The following RPS6KA5 variants were observed in gnomAD, a reference collection of about 807,000 sequenced individuals.
RPS6KA5 encodes the protein ribosomal protein S6 kinase alpha-5.
Under a neutral mutation model 85.5 loss-of-function variants are expected in RPS6KA5, and 27 were observed. The ratio of observed to expected loss-of-function variants is 0.32; its 90% CI spans 0.23 to 0.44. The LOEUF (loss-of-function observed/expected upper bound fraction) is 0.44. Ranked by LOEUF, RPS6KA5 falls within the 20% of genes least tolerant of loss-of-function variation. The pLI, the probability that RPS6KA5 is intolerant of heterozygous loss-of-function variation, is 1.00. For synonymous variants in RPS6KA5, 334 were observed against 348.2 expected (o/e 0.96, Z 0.46); for missense variants, 811 against 980.9 (o/e 0.83, Z 2.31).
At chr14:91,028,811 C>A (rs1250769411) in intron 1 of RPS6KA5, among the ~76,000 whole-genome samples, 1 of 152,210 alleles carries the variant, frequency 6.6e-6, no homozygotes, top group Non-Finnish European at 1.5e-5. Flanking sequence ...AGCCACTGCG[C>A]CCAGCCTATT....
chr14:90,885,614 C>T (rs1400061817), intron 14 of RPS6KA5, among the ~76,000 whole-genome samples: 2 of 124,416 alleles, frequency 1.6e-5, no homozygotes, highest in Admixed American at 8.7e-5. Context: ...AGGTGGCGGG[C>T]GCCTGTAGTC....
intron 3 of RPS6KA5, among the ~76,000 whole-genome samples, chr14:90,971,295 C>T (rs1352370531): frequency 6.6e-6 from 1 of 152,034 alleles, no homozygotes; most frequent in East Asian, 1.9e-4. Flanking sequence ...CCAGCCTAGG[C>T]GACAGTGAAC....
intron 5 of RPS6KA5, among the ~76,000 whole-genome samples, chr14:90,933,939 G>A (rs926136807): frequency 5.9e-5 from 9 of 152,046 alleles, no homozygotes; most frequent in Admixed American, 5.2e-4. Context: ...TATCTACATG[G>A]CTGACTCTCT....
At position 90,870,582 on chromosome 14, in the gene RPS6KA5, T is replaced by C. The variant is rs1349899484; in HGVS notation, c.*1492A>G. The C allele has an allele frequency of 6.6e-6, 1 of 152,096 alleles. No individual in the cohort carries two copies. The highest frequency in any genetic ancestry group is 2.4e-5 in the African/African-American group (1 of 41,440). The allele number at this position is 152,096 out of a possible 1,614,324, so 9.4% of individuals were successfully genotyped here. ...TTTTAGTATTCATAACTGGTTGAAA[T>C]TAATGCTGCTATAACCTCAAGAAAG... On this transcript the variant is annotated 3_prime_UTR_variant, in exon 17 of 17. Transcript: ENST00000614987.
chr14:90,880,849 T>G (rs1373370409), intron 14 of RPS6KA5, among the ~76,000 whole-genome samples: 1 of 151,092 alleles, frequency 6.6e-6, no homozygotes, highest in Non-Finnish European at 1.5e-5. Context: ...TTTTTTTTTT[T>G]GTGAGACAAG....
At position 90,889,294 on chromosome 14, in the gene RPS6KA5, CAAAA is replaced by C. The variant is rs11450327; in HGVS notation, c.1836+1189_1836+1192del. 1.2e-3 allele frequency among the ~76,000 whole-genome samples: 83 copies of C among 71,216 alleles called. 1 individual carries two copies. Among genetic ancestry groups the C allele is most frequent in the African/African-American group, 2.5e-3 (46 of 18,696 alleles). 46.7% of individuals were successfully genotyped at this position (71,216 alleles called of 152,430 possible). A position where few individuals can be genotyped will look rare whatever the true frequency, so the allele number is the denominator to read the frequency against. The stretch of plus-strand genomic sequence containing the variant: ...GGGAGACAGAGCAAGACTTTGTCTC[CAAAA>C]AAAAAAAAAAAAAAAAAAAGAGTAA... On this transcript the variant is annotated intron_variant, in intron 14 of 16. Coordinates refer to ENST00000614987, the MANE Select transcript of RPS6KA5 (RefSeq NM_004755.4).
intron 2 of RPS6KA5, among the ~76,000 whole-genome samples, chr14:90,990,199 C>T (rs2040243887): frequency 6.6e-6 from 1 of 152,048 alleles, no homozygotes; most frequent in East Asian, 1.9e-4. Context: ...CAAACGATCC[C>T]ATTAAAAAAT....
chr14:91,029,145 A>C (rs1272707175), intron 1 of RPS6KA5, among the ~76,000 whole-genome samples: 1 of 152,220 alleles, frequency 6.6e-6, no homozygotes, highest in Non-Finnish European at 1.5e-5. Flanking sequence ...ACCACAGAAA[A>C]TGACTTATTC....
At chr14:90,886,401 G>T in intron 14 of RPS6KA5, among the ~76,000 whole-genome samples, 1 of 152,146 alleles carries the variant, frequency 6.6e-6, no homozygotes, top group Non-Finnish European at 1.5e-5. Context: ...GAATGTTTGT[G>T]TTCTCCTTGC....
At chr14:90,898,841 C>T (rs1320310601) in intron 12 of RPS6KA5, among the ~76,000 whole-genome samples, 1 of 152,244 alleles carries the variant, frequency 6.6e-6, no homozygotes, top group Non-Finnish European at 1.5e-5. Context: ...AATTTACCAC[C>T]TGGAGCTAGA....
Position 90,934,038 on chromosome 14 carries a change from T to G in RPS6KA5, c.618+9040A>C, listed in dbSNP as rs538005863. On this transcript the variant is annotated intron_variant, in intron 5 of 16. Transcript: ENST00000614987. ...AAAGTGTAGCCTCTTCTCACCCTAT[T>G]CCCTATTCCTGTTCCCTACTATACT... Among the ~76,000 whole-genome samples, 13 of 152,288 alleles carry G rather than the reference T, an allele frequency of 8.5e-5. No individual in the cohort carries two copies. In the East Asian group the frequency reaches 2.5e-3, roughly 29 times the overall value.
At chr14:91,002,072 A>G (rs893004633) in intron 1 of RPS6KA5, among the ~76,000 whole-genome samples, 1 of 152,098 alleles carries the variant, frequency 6.6e-6, no homozygotes, top group African/African-American at 2.4e-5. Flanking sequence ...GTGAACTAGT[A>G]CTCTGTAGAA....
At chr14:91,022,051 T>C (rs1323800157) in intron 1 of RPS6KA5, among the ~76,000 whole-genome samples, 1 of 152,208 alleles carries the variant, frequency 6.6e-6, no homozygotes, top group East Asian at 1.9e-4. Context: ...TATATACATT[T>C]AAATCTGGTG....
chr14:91,004,181 G>A (rs1316997093), intron 1 of RPS6KA5, among the ~76,000 whole-genome samples: 1 of 152,150 alleles, frequency 6.6e-6, no homozygotes, highest in African/African-American at 2.4e-5. Context: ...CGCCTCCCGG[G>A]TTCACGCCAT....
intron 1 of RPS6KA5, among the ~76,000 whole-genome samples, chr14:91,036,661 C>T (rs1447677171): frequency 3.3e-5 from 5 of 152,170 alleles, no homozygotes; most frequent in Non-Finnish European, 5.9e-5. Flanking sequence ...CTACCTTTAT[C>T]GAGGTCACTG....
chr14:90,952,418 C>T lies in RPS6KA5; in HGVS notation c.395-4868G>A, dbSNP rs190020132. On this transcript the variant is annotated intron_variant, in intron 3 of 16. Coordinates refer to ENST00000614987, the MANE Select transcript of RPS6KA5 (RefSeq NM_004755.4). ...ACATTTAATTAATGAAGTGTTACAA[C>T]GAATTCTCAAAAGATCTAAGAGATT... Among the ~76,000 whole-genome samples, 46 of 152,292 alleles carry T rather than the reference C, an allele frequency of 3.0e-4. No homozygotes were observed. The East Asian group carries it at 7.3e-3, about 24-fold the overall frequency.
chr14:90,949,214 ATAGT>A (rs1186077536), intron 3 of RPS6KA5, among the ~76,000 whole-genome samples: 1 of 152,216 alleles, frequency 6.6e-6, no homozygotes, highest in Non-Finnish European at 1.5e-5. Flanking sequence ...AATGCTTTCC[ATAGT>A]TAGTCATGAC....
intron 1 of RPS6KA5, among the ~76,000 whole-genome samples, chr14:91,034,459 C>T (rs963660222): frequency 6.6e-6 from 1 of 151,952 alleles, no homozygotes; most frequent in Admixed American, 6.6e-5. Context: ...CTGTGTCTAG[C>T]TAAAGGACTG....
chr14:90,882,611 T>C (rs952542264), intron 14 of RPS6KA5, among the ~76,000 whole-genome samples: 1 of 152,148 alleles, frequency 6.6e-6, no homozygotes, highest in Non-Finnish European at 1.5e-5. Flanking sequence ...TCTAGAAATA[T>C]GTTAACTTCT....
Sources: gnomAD v4.1 joint callset for allele counts (sites outside exome capture counted in the v4.1 genomes callset) on GRCh38, gnomAD v4.1.1 for gene constraint, MANE v1.5 for transcripts, NCBI Gene and HGNC (gene_info 2026-07-23, HGNC 2026-07-21) for gene names.